The following MPP7 variants were observed in gnomAD, a reference collection of about 807,000 sequenced individuals.
MPP7 encodes MAGUK p55 subfamily member 7.
In MPP7, 60 loss-of-function variants were observed where a neutral mutation model predicts 76.5. The observed-to-expected ratio is 0.78, with a 90% CI of 0.64 to 0.97. The LOEUF is 0.97. Among genes scored for constraint, MPP7 ranks in the 50% least tolerant of loss-of-function variants. The probability of loss-of-function intolerance (pLI) is 0.00; values close to 1 mark genes in which losing one functional copy is unlikely to be tolerated. For missense variants in MPP7, 641 were observed against 694.0 expected (o/e 0.92, Z 0.86); for synonymous variants, 237 against 244.5 (o/e 0.97, Z 0.29).
At chr10:28,246,308 A>G (rs1329218543) in intron 1 of MPP7, among the ~76,000 whole-genome samples, 2 of 126,112 alleles carry the variant, frequency 1.6e-5, no homozygotes, top group African/African-American at 2.6e-5. Context: ...CAAAGTGGTG[A>G]AAAAAAAAAT....
intron 1 of MPP7, among the ~76,000 whole-genome samples, chr10:28,247,672 C>G (rs1000095164): frequency 9.2e-5 from 14 of 152,136 alleles, no homozygotes; most frequent in Admixed American, 6.5e-4. Flanking sequence ...ATTTCCAATG[C>G]TAAGAACAAA....
chr10:28,257,656 T>C (rs1052757032), intron 1 of MPP7, among the ~76,000 whole-genome samples: 3 of 147,796 alleles, frequency 2.0e-5, no homozygotes, highest in Admixed American at 6.7e-5. Flanking sequence ...GATGACGAGT[T>C]AGTGGGTGCA....
At chr10:28,076,071 C>T (rs1163861607) in intron 12 of MPP7, among the ~76,000 whole-genome samples, 2 of 152,164 alleles carry the variant, frequency 1.3e-5, no homozygotes, top group African/African-American at 4.8e-5. Flanking sequence ...ATAATCTGCT[C>T]AAGTTAACCA....
At chr10:28,197,223 C>CCCAGGCTGGAGT in intron 3 of MPP7, among the ~76,000 whole-genome samples, 1 of 149,848 alleles carries the variant, frequency 6.7e-6, no homozygotes, top group African/African-American at 2.5e-5. Context: ...TGCTCTGTCG[C>CCCAGGCTGGAGT]CCAGGCTGGA....
chr10:28,265,933 ACT>A (rs1353342145), intron 1 of MPP7, among the ~76,000 whole-genome samples: 1 of 151,864 alleles, frequency 6.6e-6, no homozygotes, highest in Non-Finnish European at 1.5e-5. Flanking sequence ...GATTTACAAG[ACT>A]CTCTCATCTG....
intron 2 of MPP7, among the ~76,000 whole-genome samples, chr10:28,323,461 A>T (rs1438428522): frequency 2.0e-5 from 3 of 152,034 alleles, no homozygotes; most frequent in Non-Finnish European, 4.4e-5. Context: ...TAGGAAAAAA[A>T]AAAAAAGAAA....
intron 1 of MPP7, among the ~76,000 whole-genome samples, chr10:28,332,546 T>C (rs1457295742): frequency 1.3e-5 from 2 of 152,198 alleles, no homozygotes; most frequent in Admixed American, 6.5e-5. Context: ...GAAAACTTTA[T>C]CATAGTATTG....
At chr10:28,081,229 CTT>C (rs1417928681) in intron 12 of MPP7, among the ~76,000 whole-genome samples, 4 of 152,190 alleles carry the variant, frequency 2.6e-5, no homozygotes, top group African/African-American at 7.2e-5. Context: ...AATTTTTGCT[CTT>C]GTTTTGGCTT....
At chr10:28,082,795 T>C (rs1196721555) in intron 12 of MPP7, among the ~76,000 whole-genome samples, 1 of 152,026 alleles carries the variant, frequency 6.6e-6, no homozygotes, top group Non-Finnish European at 1.5e-5. Flanking sequence ...GAGACGAGGT[T>C]TCACTGTATC....
intron 1 of MPP7, among the ~76,000 whole-genome samples, chr10:28,330,936 C>T (rs1383553494): frequency 6.6e-6 from 1 of 152,154 alleles, no homozygotes; most frequent in African/African-American, 2.4e-5. Context: ...GCCAGTATTA[C>T]AGGTGTTAGC....
At chr10:28,324,339 G>A (rs1834392072) in intron 2 of MPP7, among the ~76,000 whole-genome samples, 2 of 152,138 alleles carry the variant, frequency 1.3e-5, no homozygotes, top group Admixed American at 1.3e-4. Context: ...ATAACTGCAA[G>A]AAAGAAATTT....
chr10:28,058,676 G>C, intron 14 of MPP7, 73 bp from the exon 15 acceptor site: 2 of 760,158 alleles, frequency 2.6e-6, no homozygotes, highest in Non-Finnish European at 4.2e-6. Flanking sequence ...AAAATTCATA[G>C]GTAAAAGACG....
At chr10:28,109,861 A>AAAAAAAAAAAAAAAAAAAAAAC (rs1834443966) in intron 11 of MPP7, among the ~76,000 whole-genome samples, 2 of 145,806 alleles carry the variant, frequency 1.4e-5, no homozygotes, top group African/African-American at 2.5e-5. Flanking sequence ...AAAAAAAAAA[A>AAAAAAAAAAAAAAAAAAAAAAC]AAAAAAAAAA....
At chr10:28,328,265 GT>G (rs1393205791) in intron 2 of MPP7, among the ~76,000 whole-genome samples, 4 of 152,108 alleles carry the variant, frequency 2.6e-5, no homozygotes, top group African/African-American at 9.7e-5. Flanking sequence ...TAGAATAACT[GT>G]TTTTTGAGGT....
intron 5 of MPP7, among the ~76,000 whole-genome samples, chr10:28,141,743 A>T (rs1450862878): frequency 6.6e-6 from 1 of 152,072 alleles, no homozygotes; most frequent in Admixed American, 6.6e-5. Context: ...TCTCTGGAAA[A>T]TTTAATTGCA....
intron 3 of MPP7, among the ~76,000 whole-genome samples, chr10:28,176,544 C>G (rs1836866868): frequency 6.6e-6 from 1 of 151,872 alleles, no homozygotes; most frequent in African/African-American, 2.4e-5. Context: ...ACCAGCCTGA[C>G]CAACATGGTG....
At position 28,119,719 on chromosome 10, in the gene MPP7, G is replaced by A. The variant is rs1366874383; in HGVS notation, c.888-4C>T. The A allele has an allele frequency of 1.9e-6, 3 of 1,612,636 alleles. No individual in the cohort carries two copies. The highest frequency in any genetic ancestry group is 2.7e-5 in the African/African-American group (2 of 74,828). On this transcript the variant is annotated splice_region_variant and splice_polypyrimidine_tract_variant and intron_variant, in intron 10 of 16. Transcript: ENST00000683449. ...TGGTCGTCTCAAAGCCAATCTCCTG[G>A]GAGAAAGAAGGTCAACATACCTATC... is the stretch of plus-strand genomic sequence containing the variant.
intron 11 of MPP7, among the ~76,000 whole-genome samples, chr10:28,105,905 TCA>T (rs1250908838): frequency 2.0e-5 from 3 of 152,212 alleles, no homozygotes; most frequent in Admixed American, 6.5e-5. Context: ...ATGAAATTTC[TCA>T]GTTTGTAGGT....
intron 2 of MPP7, among the ~76,000 whole-genome samples, chr10:28,226,670 AAAAATG>A: frequency 9.6e-6 from 1 of 104,624 alleles, no homozygotes; most frequent in East Asian, 2.5e-4. Flanking sequence ...TTTTATACTT[AAAAATG>A]GTAAAAATGG....
Sources: allele counts gnomAD v4.1 joint callset (sites outside exome capture counted in the v4.1 genomes callset), GRCh38; gene constraint gnomAD v4.1.1; transcripts MANE v1.5; gene names NCBI Gene and HGNC (gene_info 2026-07-23, HGNC 2026-07-21).